LCORL: variants seen among roughly 807,000 people sequenced by gnomAD.
The protein encoded by LCORL is ligand dependent nuclear receptor corepressor like, also known as ligand-dependent nuclear receptor corepressor-like protein.
In LCORL, 41 loss-of-function variants were observed where a neutral mutation model predicts 141.8. That is an observed-to-expected ratio of 0.29 (90% confidence interval 0.23 to 0.38). LCORL has a LOEUF of 0.38. Ranked by LOEUF, LCORL falls within the 10% of genes least tolerant of loss-of-function variation. The pLI is 1.00. For missense variants in LCORL, 1,759 were observed against 2,035.0 expected, an observed-to-expected ratio of 0.86 and a Z score of 2.61; for synonymous variants, 618 against 694.1, an observed-to-expected ratio of 0.89 and a Z score of 1.72.
intron 4 of LCORL, chr4:17,912,868 G>A (rs1732801214): frequency 4.4e-6 from 2 of 451,158 alleles, no homozygotes; most frequent in South Asian, 3.7e-5. Context: ...TCTTGGTGAT[G>A]CCCTGGACAG....
At chr4:17,979,393 T>G (rs137975450) in intron 1 of LCORL, among the ~76,000 whole-genome samples, 1 of 152,208 alleles carries the variant, frequency 6.6e-6, no homozygotes, top group Admixed American at 6.5e-5. Flanking sequence ...TACTTCCTCA[T>G]GCACAGAGGT....
intron 7 of LCORL, among the ~76,000 whole-genome samples, chr4:17,852,178 C>G (rs898050687): frequency 2.6e-5 from 4 of 152,062 alleles, no homozygotes; most frequent in Non-Finnish European, 5.9e-5. Context: ...GATTAGAAAG[C>G]TGAAAGCAGC....
intron 6 of LCORL, chr4:17,883,422 T>C (rs1727846184): frequency 6.2e-6 from 7 of 1,123,124 alleles, no homozygotes; most frequent in Middle Eastern, 3.8e-4. Flanking sequence ...CTTTATGCTA[T>C]TGACTACTAA....
At chr4:17,977,417 G>C (rs1475428738) in intron 1 of LCORL, among the ~76,000 whole-genome samples, 1 of 152,106 alleles carries the variant, frequency 6.6e-6, no homozygotes, top group Non-Finnish European at 1.5e-5. Flanking sequence ...CACTTGGTTA[G>C]TTGTGTTTTT....
At chr4:17,964,866 CTTT>C (rs1553878210) in intron 2 of LCORL, among the ~76,000 whole-genome samples, 1 of 141,526 alleles carries the variant, frequency 7.1e-6, no homozygotes, top group African/African-American at 2.5e-5. Flanking sequence ...TCTTACTGCC[CTTT>C]TTTTTTTTTT....
At chr4:17,963,235 A>T (rs1041114475) in intron 2 of LCORL, among the ~76,000 whole-genome samples, 186 bp from the exon 3 acceptor site, 1 of 152,086 alleles carries the variant, frequency 6.6e-6, no homozygotes, top group African/African-American at 2.4e-5. Context: ...TAAGGAGAGT[A>T]ATCTGCACTA....
intron 1 of LCORL, among the ~76,000 whole-genome samples, chr4:18,013,709 C>G (rs1724167500): frequency 6.6e-6 from 1 of 152,120 alleles, no homozygotes; most frequent in Non-Finnish European, 1.5e-5. Context: ...TATGTGCACA[C>G]CTTGCACATA....
chr4:18,021,799 A>C lies in LCORL; in HGVS notation c.-48T>G. 1 of 1,438,796 alleles carries C rather than the reference A, an allele frequency of 7.0e-7. No individual in the cohort carries two copies. 89.1% of individuals were successfully genotyped at this position (1,438,796 alleles called of 1,614,324 possible). On this transcript the variant is annotated 5_prime_UTR_variant, in exon 1 of 8. Transcript: ENST00000635767. The surrounding 1 kb of genome is among the most constrained non-coding windows in gnomAD (Gnocchi z 5.5). ...TCATTTACATACGAGCAGCGCAGGC[A>C]CGAGGCAGGGGCGCGAGCCCTCGGC...
intron 7 of LCORL, among the ~76,000 whole-genome samples, chr4:17,853,804 G>T (rs1724043895): frequency 6.6e-6 from 1 of 152,056 alleles, no homozygotes; most frequent in Non-Finnish European, 1.5e-5. Context: ...TTTGTTAAGT[G>T]CACGAACCTA....
At chr4:17,875,910 T>A (rs1726868970) in exon 7 of LCORL, 2 of 1,231,160 alleles carry the variant, frequency 1.6e-6, no homozygotes, top group South Asian at 4.1e-5. Context: ...TTGAAAAGTA[T>A]CAGTATCATA....
chr4:18,004,213 A>G (rs1027453426), intron 1 of LCORL, among the ~76,000 whole-genome samples: 6 of 152,266 alleles, frequency 3.9e-5, no homozygotes, highest in East Asian at 3.8e-4. Flanking sequence ...CACATATACT[A>G]AATGAAAATA....
intron 5 of LCORL, among the ~76,000 whole-genome samples, chr4:17,889,360 G>C (rs937691237): frequency 3.3e-5 from 5 of 151,856 alleles, no homozygotes; most frequent in Non-Finnish European, 7.4e-5. Flanking sequence ...TATTCTAAAA[G>C]GATTTGACAA....
chr4:17,888,018 T>C (rs960677560), intron 5 of LCORL, among the ~76,000 whole-genome samples: 1 of 152,094 alleles, frequency 6.6e-6, no homozygotes, highest in African/African-American at 2.4e-5. Context: ...ACTATACCAG[T>C]AACACTTACT....
At chr4:17,909,469 A>G (rs755538926) in intron 4 of LCORL, 124 bp from the exon 5 acceptor site, 19 of 569,914 alleles carry the variant, frequency 3.3e-5, no homozygotes, top group Non-Finnish European at 5.4e-5. Flanking sequence ...ATAACTCCCA[A>G]TGTTTTCTGG....
chr4:17,981,360 T>C (rs1286759727), intron 1 of LCORL, among the ~76,000 whole-genome samples: 1 of 152,208 alleles, frequency 6.6e-6, no homozygotes, highest in African/African-American at 2.4e-5. Context: ...CACCAAAAGT[T>C]ATCATCAGAC....
intron 7 of LCORL, among the ~76,000 whole-genome samples, chr4:17,865,020 C>G (rs1725476164): frequency 6.6e-6 from 1 of 152,168 alleles, no homozygotes; most frequent in Non-Finnish European, 1.5e-5. Context: ...CCTAACAGAT[C>G]TGAAAGGATA....
chr4:17,970,465 A>G (rs1715711039), intron 2 of LCORL, among the ~76,000 whole-genome samples: 2 of 152,162 alleles, frequency 1.3e-5, no homozygotes, highest in African/African-American at 4.8e-5. Flanking sequence ...CTAATGTAAA[A>G]TATAAAACTC....
chr4:17,878,182 T>C, exon 7 of LCORL: 1 of 1,229,708 alleles, frequency 8.1e-7, no homozygotes, highest in Non-Finnish European at 1.0e-6. Flanking sequence ...TCCATTTTAG[T>C]AGCTTCCTCT....
intron 1 of LCORL, among the ~76,000 whole-genome samples, chr4:18,010,487 T>C (rs1410769799): frequency 6.6e-6 from 1 of 152,146 alleles, no homozygotes; most frequent in Non-Finnish European, 1.5e-5. Context: ...TCTTGCTCTG[T>C]TGCCCAGGCT....
Sources: gnomAD v4.1 joint callset for allele counts (sites outside exome capture counted in the v4.1 genomes callset) on GRCh38, gnomAD v4.1.1 for gene constraint, Gnocchi (gnomAD v3.1) non-coding constraint, MANE v1.5 for transcripts, NCBI Gene and HGNC (gene_info 2026-07-23, HGNC 2026-07-21) for gene names.